The following RCL1 variants were observed in gnomAD, a reference collection of about 807,000 sequenced individuals.
The protein encoded by RCL1 is RNA terminal phosphate cyclase like 1.
In RCL1, 24 loss-of-function variants were observed where a neutral mutation model predicts 42.4. The observed-to-expected ratio is 0.57, with a 90% CI of 0.41 to 0.80. The LOEUF (loss-of-function observed/expected upper bound fraction) is 0.80, where lower values mean the gene tolerates loss of function less well. Ranked by LOEUF, RCL1 falls within the 30% of genes least tolerant of loss-of-function variation. The pLI, the probability that RCL1 is intolerant of heterozygous loss-of-function variation, is 0.00. For missense variants in RCL1, 578 were observed against 467.9 expected, an observed-to-expected ratio of 1.24 and a Z score of -2.17; for synonymous variants, 228 against 177.3, an observed-to-expected ratio of 1.29 and a Z score of -2.27.
intron 1 of RCL1, among the ~76,000 whole-genome samples, chr9:4,822,457 A>G (rs1436346763): frequency 1.3e-5 from 2 of 152,172 alleles, no homozygotes; most frequent in African/African-American, 4.8e-5. Flanking sequence ...ATAATCTTAC[A>G]TTTAAAATCT....
chr9:4,852,741 G>A (rs1817794553), intron 8 of RCL1, among the ~76,000 whole-genome samples: 1 of 150,592 alleles, frequency 6.6e-6, no homozygotes. Context: ...CCTTCACCCT[G>A]CTGCAGTCCA....
intron 8 of RCL1, chr9:4,850,325 G>A (rs1472339708): frequency 2.2e-5 from 12 of 534,300 alleles, no homozygotes; most frequent in Admixed American, 9.7e-5. Flanking sequence ...TCATGGTACC[G>A]ATGCTGTATA....
intron 7 of RCL1, among the ~76,000 whole-genome samples, chr9:4,847,153 A>G (rs1231094046): frequency 6.6e-6 from 1 of 152,164 alleles, no homozygotes; most frequent in Admixed American, 6.5e-5. Context: ...TGCTGGGATT[A>G]CAGACGTGAG....
intron 8 of RCL1, 145 bp downstream of exon 8, chr9:4,849,695 T>C (rs998662950): frequency 7.4e-5 from 46 of 620,914 alleles, no homozygotes; most frequent in Non-Finnish European, 5.5e-5. Flanking sequence ...GTTGTCACTC[T>C]TAACCTGGTG....
intron 1 of RCL1, among the ~76,000 whole-genome samples, chr9:4,800,310 G>A (rs973189380): frequency 6.6e-6 from 1 of 152,106 alleles, no homozygotes; most frequent in African/African-American, 2.4e-5. Flanking sequence ...CCACTCCCGG[G>A]TTCAGGCGAT....
chr9:4,858,101 C>G (rs1421979129), intron 8 of RCL1, among the ~76,000 whole-genome samples: 2 of 151,936 alleles, frequency 1.3e-5, no homozygotes, highest in African/African-American at 4.8e-5. Flanking sequence ...GTCTTGAATT[C>G]CAGGCCCCAA....
chr9:4,844,015 A>T (rs1817424845), intron 6 of RCL1, among the ~76,000 whole-genome samples: 2 of 150,718 alleles, frequency 1.3e-5, no homozygotes, highest in Middle Eastern at 3.2e-3. Context: ...AGACAAGCAA[A>T]TTTTTTTTTT....
At chr9:4,841,659 C>CA (rs1329573220) in intron 6 of RCL1, among the ~76,000 whole-genome samples, 2 of 152,048 alleles carry the variant, frequency 1.3e-5, no homozygotes, top group Non-Finnish European at 2.9e-5. Flanking sequence ...TCTGTTCCAA[C>CA]AAAAAAATTA....
At chr9:4,849,274 C>G (rs1167894532) in intron 7 of RCL1, among the ~76,000 whole-genome samples, 173 bp from the exon 8 acceptor site, 1 of 151,644 alleles carries the variant, frequency 6.6e-6, no homozygotes, top group African/African-American at 2.4e-5. Context: ...TAGTTTAACC[C>G]TCTACAGTTA....
intron 3 of RCL1, among the ~76,000 whole-genome samples, chr9:4,829,695 TGTGGCAGTG>T (rs1816886397): frequency 6.6e-6 from 1 of 152,136 alleles, no homozygotes; most frequent in African/African-American, 2.4e-5. Flanking sequence ...ACATGTACAG[TGTGGCAGTG>T]GTGGCGGTGG....
At chr9:4,854,769 T>TAGGA (rs1817877786) in intron 8 of RCL1, among the ~76,000 whole-genome samples, 1 of 151,952 alleles carries the variant, frequency 6.6e-6, no homozygotes, top group Non-Finnish European at 1.5e-5. Flanking sequence ...TGAAAATACA[T>TAGGA]AGGAAGGCCG....
At position 4,860,408 on chromosome 9, in the gene RCL1, A is replaced by G. The variant is rs1371274937; in HGVS notation, c.*133A>G. On this transcript the variant is annotated 3_prime_UTR_variant, in exon 9 of 9. Transcript: ENST00000381750. ...GCTTAATTTTCTGTGAAGAAATATC[A>G]ATATACAAATAAAAGACATCCCTGT... 1.0e-6 allele frequency: 1 copy of G among 955,212 alleles called. No individual in the cohort carries two copies. The highest frequency in any genetic ancestry group is 1.5e-6 in the Non-Finnish European group (1 of 662,360). The allele number at this position is 955,212 out of a possible 1,614,324, so 59.2% of individuals were successfully genotyped here. A position where few individuals can be genotyped will look rare whatever the true frequency, so the allele number is the denominator to read the frequency against.
chr9:4,819,343 T>A (rs1816503379), intron 1 of RCL1, among the ~76,000 whole-genome samples: 1 of 152,240 alleles, frequency 6.6e-6, no homozygotes, highest in Non-Finnish European at 1.5e-5. Context: ...TGGACCCTGG[T>A]GCCAAAAGGT....
At chr9:4,819,722 G>A (rs1242494265) in intron 1 of RCL1, among the ~76,000 whole-genome samples, 3 of 152,154 alleles carry the variant, frequency 2.0e-5, no homozygotes, top group Non-Finnish European at 4.4e-5. Context: ...CAAGAGAATC[G>A]CTTGAACCCG....
chr9:4,796,115 G>A (rs1376982543), intron 1 of RCL1, among the ~76,000 whole-genome samples: 26 of 152,094 alleles, frequency 1.7e-4, no homozygotes, highest in Non-Finnish European at 1.5e-5. Flanking sequence ...AGAGTCGGGG[G>A]TACATGTGCA....
At chr9:4,800,827 T>C (rs1032937045) in intron 1 of RCL1, among the ~76,000 whole-genome samples, 1 of 151,918 alleles carries the variant, frequency 6.6e-6, no homozygotes, top group African/African-American at 2.4e-5. Context: ...TAATTTTTTA[T>C]ATTTTTGGTA....
At chr9:4,850,814 G>A (rs1817717752) in intron 8 of RCL1, among the ~76,000 whole-genome samples, 1 of 152,018 alleles carries the variant, frequency 6.6e-6, no homozygotes, top group South Asian at 2.1e-4. Context: ...ACTGGAGGCG[G>A]CTGCCAGCTG....
chr9:4,823,559 A>G lies in RCL1; in HGVS notation c.148A>G (p.Ser50Gly), dbSNP rs1324345377. The change falls in exon 2 of 9, where the codon AGC (serine) becomes GGC (glycine). Residue 50 changes from serine to glycine, a missense_variant. By Grantham distance (56) the Ser-to-Gly change is moderately conservative. Coordinates refer to ENST00000381750, the MANE Select transcript of RCL1 (RefSeq NM_005772.5). Reference sequence around the variant, plus strand: ...TTTTTTCTTCACAGATTTTGAAGCCAGCTTCATAAGGCTATTGGACAAAAT... The same window carrying G: ...TTTTTTCTTCACAGATTTTGAAGCCGGCTTCATAAGGCTATTGGACAAAAT... Reference protein sequence around the residue: ...DNPGLRDFEASFIRLLDKITN... With the variant: ...DNPGLRDFEAGFIRLLDKITN... 1.2e-6 allele frequency: 2 copies of G among 1,610,320 alleles called. No homozygotes were observed. Among genetic ancestry groups the G allele is most frequent in the East Asian group, 2.2e-5 (1 of 44,602 alleles).
rs139784115 is a variant in RCL1, at chr9:4,824,638, C to T, written c.208+1019C>T. Among the ~76,000 whole-genome samples the T allele has an allele frequency of 5.6e-3, 857 of 152,262 alleles. 3 individuals carry two copies. The highest frequency in any genetic ancestry group is 8.8e-3 in the Non-Finnish European group (596 of 68,020). On this transcript the variant is annotated intron_variant, in intron 2 of 8. Coordinates refer to ENST00000381750, the MANE Select transcript of RCL1 (RefSeq NM_005772.5). ...TGACTCCATTAACTCTCTACCTTTC[C>T]GCACACATTCCACAAATAAATCTCT...
Sources: allele counts gnomAD v4.1 joint callset (sites outside exome capture counted in the v4.1 genomes callset), GRCh38; gene constraint gnomAD v4.1.1; transcripts MANE v1.5; gene names NCBI Gene and HGNC (gene_info 2026-07-23, HGNC 2026-07-21).